UCK2: variants seen among roughly 807,000 people sequenced by gnomAD.
UCK2 encodes the protein uridine-cytidine kinase 2, also known as cytidine monophosphokinase 2.
Under a neutral mutation model 30.8 loss-of-function variants are expected in UCK2, and 6 were observed. The observed-to-expected ratio is 0.19, with a 90% CI of 0.11 to 0.38. The LOEUF (loss-of-function observed/expected upper bound fraction) is 0.38. UCK2 is among the 10% of genes least tolerant of loss of function. UCK2 has a pLI of 1.00. For missense variants in UCK2, 210 were observed against 339.8 expected (o/e 0.62, Z 3.00); for synonymous variants, 125 against 133.6 (o/e 0.94, Z 0.45).
intron 1 of UCK2, among the ~76,000 whole-genome samples, chr1:165,857,048 T>C (rs1427808644): frequency 2.6e-5 from 4 of 152,236 alleles, no homozygotes; most frequent in Non-Finnish European, 5.9e-5. Context: ...AAAGGACTTA[T>C]AGTTACTAGA....
chr1:165,841,087 G>A (rs1375734173), intron 1 of UCK2, among the ~76,000 whole-genome samples: 1 of 134,100 alleles, frequency 7.5e-6, no homozygotes, highest in Admixed American at 8.3e-5. Context: ...ATATTTGTGT[G>A]TGCACACGTA....
chr1:165,874,061 C>T (rs1369578337), intron 1 of UCK2, among the ~76,000 whole-genome samples: 1 of 152,190 alleles, frequency 6.6e-6, no homozygotes, highest in Non-Finnish European at 1.5e-5. Context: ...CCTCCATAAC[C>T]TTAATTTCAT....
chr1:165,905,868 G>A (rs1006041735), intron 5 of UCK2, 53 bp from the exon 6 acceptor site: 49 of 1,567,296 alleles, frequency 3.1e-5, no homozygotes, highest in Non-Finnish European at 3.9e-5. Flanking sequence ...AGAGGGTCTC[G>A]GGCCAGTTGT....
chr1:165,882,415 C>T (rs1655521238), intron 1 of UCK2, among the ~76,000 whole-genome samples: 1 of 152,170 alleles, frequency 6.6e-6, no homozygotes, highest in African/African-American at 2.4e-5. Flanking sequence ...TTGAAAGTGA[C>T]AGAAAACCTC....
At chr1:165,876,533 G>A (rs191615364) in intron 1 of UCK2, among the ~76,000 whole-genome samples, 1 of 152,198 alleles carries the variant, frequency 6.6e-6, no homozygotes, top group Non-Finnish European at 1.5e-5. Context: ...TATATCCTCT[G>A]TAAGGAGATA....
chr1:165,848,641 A>AACAC (rs1553196968), intron 1 of UCK2, among the ~76,000 whole-genome samples: 1 of 151,220 alleles, frequency 6.6e-6, no homozygotes, highest in Non-Finnish European at 1.5e-5. Context: ...CTCCAAACAA[A>AACAC]ACACACACAC....
intron 1 of UCK2, among the ~76,000 whole-genome samples, chr1:165,837,836 C>T (rs1180562176): frequency 1.3e-5 from 2 of 152,110 alleles, no homozygotes; most frequent in Non-Finnish European, 2.9e-5. Flanking sequence ...TATTGAACTC[C>T]TCATCTCACC....
At chr1:165,870,699 C>T (rs181687777) in intron 1 of UCK2, among the ~76,000 whole-genome samples, 8 of 152,312 alleles carry the variant, frequency 5.3e-5, no homozygotes, top group African/African-American at 9.6e-5. Context: ...TTTCAAGTGA[C>T]GTGGAAGGAG....
chr1:165,828,042 G>T, intron 1 of UCK2, 110 bp downstream of exon 1: 1 of 806,058 alleles, frequency 1.2e-6, no homozygotes, highest in Non-Finnish European at 1.6e-6. Context: ...CGTGGCCCGC[G>T]CGCCTCCGCT....
intron 1 of UCK2, among the ~76,000 whole-genome samples, chr1:165,841,998 A>G (rs1654342537): frequency 6.6e-6 from 1 of 152,180 alleles, no homozygotes; most frequent in Non-Finnish European, 1.5e-5. Flanking sequence ...AGAAAGTGTT[A>G]ATGACTATGC....
At chr1:165,890,579 G>C (rs1277572031) in intron 2 of UCK2, among the ~76,000 whole-genome samples, 1 of 152,158 alleles carries the variant, frequency 6.6e-6, no homozygotes, top group African/African-American at 2.4e-5. Context: ...AATACTGATT[G>C]AATCTGTATC....
chr1:165,851,325 C>T (rs1276392973), intron 1 of UCK2, among the ~76,000 whole-genome samples: 1 of 152,162 alleles, frequency 6.6e-6, no homozygotes, highest in Non-Finnish European at 1.5e-5. Flanking sequence ...AGCCTCTTGC[C>T]TTTGTCTACT....
chr1:165,846,082 A>T lies in UCK2; in HGVS notation c.99+18150A>T, dbSNP rs562851891. Among the ~76,000 whole-genome samples the T allele has an allele frequency of 2.0e-4, 31 of 152,292 alleles. No individual in the cohort carries two copies. The South Asian group carries it at 6.0e-3, about 30-fold the overall frequency. ...CGAGGTGGGATGATCACTTGAGCCCAGGAGTTCCAGACCAGCCTGAGCAAC... is the reference window on the plus strand; with the variant it reads ...CGAGGTGGGATGATCACTTGAGCCCTGGAGTTCCAGACCAGCCTGAGCAAC... On this transcript the variant is annotated intron_variant, in intron 1 of 6. Coordinates refer to ENST00000367879, the MANE Select transcript of UCK2 (RefSeq NM_012474.5).
At position 165,903,198 on chromosome 1, in the gene UCK2, C is replaced by T. The variant is rs560349718; in HGVS notation, c.516C>T (p.Ser172=). ...CTCTTACAGTATTAAGGGACATCAGCGAGAGAGGCAGGGATCTTGAGCAGA... is the reference window on the plus strand; with the variant it reads ...CTCTTACAGTATTAAGGGACATCAGTGAGAGAGGCAGGGATCTTGAGCAGA... The part of the protein sequence containing the change: ...RLSRRVLRDI[S]ERGRDLEQIL... The change falls in exon 5 of 7, where the codon AGC becomes AGT. Residue 172 remains serine, a synonymous_variant. Coordinates refer to ENST00000367879, the MANE Select transcript of UCK2 (RefSeq NM_012474.5). 68 of 1,613,846 alleles carry T rather than the reference C, an allele frequency of 4.2e-5. No individual in the cohort carries two copies. In the East Asian group the frequency reaches 6.7e-4, roughly 16 times the overall value.
intron 1 of UCK2, among the ~76,000 whole-genome samples, chr1:165,850,354 T>C (rs1309732293): frequency 1.3e-5 from 2 of 152,136 alleles, no homozygotes; most frequent in Non-Finnish European, 2.9e-5. Context: ...GGTCTCAAAC[T>C]CTCGACCTCA....
intron 1 of UCK2, among the ~76,000 whole-genome samples, chr1:165,873,206 C>A (rs1444956341): frequency 6.6e-6 from 1 of 152,110 alleles, no homozygotes; most frequent in Non-Finnish European, 1.5e-5. Flanking sequence ...TTATAGAATT[C>A]TGAGATAGAG....
intron 1 of UCK2, among the ~76,000 whole-genome samples, chr1:165,845,511 A>G (rs1224217881): frequency 2.0e-5 from 3 of 152,180 alleles, no homozygotes; most frequent in East Asian, 1.9e-4. Flanking sequence ...GAGGTGTGAC[A>G]TTATTTTAGC....
At chr1:165,836,538 C>G (rs915548877) in intron 1 of UCK2, among the ~76,000 whole-genome samples, 2 of 152,142 alleles carry the variant, frequency 1.3e-5, no homozygotes, top group Non-Finnish European at 2.9e-5. Flanking sequence ...TGCCATTCAT[C>G]TCCTCTAATT....
intron 1 of UCK2, among the ~76,000 whole-genome samples, chr1:165,833,592 A>G (rs1478537500): frequency 1.3e-5 from 2 of 152,088 alleles, no homozygotes; most frequent in Non-Finnish European, 2.9e-5. Context: ...CTACCAGTTC[A>G]CTACATAGCA....
Sources: allele counts gnomAD v4.1 joint callset (sites outside exome capture counted in the v4.1 genomes callset), GRCh38; gene constraint gnomAD v4.1.1; transcripts MANE v1.5; gene names NCBI Gene and HGNC (gene_info 2026-07-23, HGNC 2026-07-21).